ANKMY1: variants seen among roughly 807,000 people sequenced by gnomAD.
ANKMY1 encodes ankyrin repeat and MYND domain containing 1, also known as ankyrin repeat and MYND domain-containing protein 1.
ANKMY1 carries 98 observed loss-of-function variants against 102.0 expected under a neutral mutation model. The ratio of observed to expected loss-of-function variants is 0.96; its 90% CI spans 0.82 to 1.14. The LOEUF is 1.14. Among genes scored for constraint, ANKMY1 ranks in the 50% most tolerant of loss-of-function variants. The pLI, the probability that ANKMY1 is intolerant of heterozygous loss-of-function variation, is 0.00. For synonymous variants in ANKMY1, 582 were observed against 559.9 expected, an observed-to-expected ratio of 1.04 and a Z score of -0.56; for missense variants, 1,330 against 1,347.6, an observed-to-expected ratio of 0.99 and a Z score of 0.20.
chr2:240,539,915 C>CT (rs1295503820), intron 4 of ANKMY1, among the ~76,000 whole-genome samples: 1 of 152,192 alleles, frequency 6.6e-6, no homozygotes, highest in Non-Finnish European at 1.5e-5. Flanking sequence ...TACCCCCTCC[C>CT]TTTTGGAGTT....
intron 4 of ANKMY1, among the ~76,000 whole-genome samples, chr2:240,532,365 A>G (rs1419897358): frequency 2.0e-5 from 3 of 152,230 alleles, no homozygotes; most frequent in Admixed American, 1.3e-4. Context: ...TCAGACAAGC[A>G]AAAACTGACA....
rs557933431 is a variant in ANKMY1, at chr2:240,529,675, C to T, written c.481-166G>A. On this transcript the variant is annotated intron_variant, in intron 4 of 17. Coordinates refer to ENST00000401804, the MANE Select transcript of ANKMY1 (RefSeq NM_001282771.3). The surrounding 1 kb of genome is among the most constrained non-coding windows in gnomAD (Gnocchi z 4.2). ...GGCTTAGGCTGTGCCGCCCAGGGAC[C>T]GAGGCGGACCAGCTCTCCCGAGGAA... Among the ~76,000 whole-genome samples, 14 of 152,302 alleles carry T rather than the reference C, an allele frequency of 9.2e-5. No homozygotes were observed. In the East Asian group the frequency reaches 1.3e-3, roughly 15 times the overall value.
intron 11 of ANKMY1, among the ~76,000 whole-genome samples, chr2:240,511,125 C>T (rs1021372704): frequency 1.3e-5 from 2 of 152,144 alleles, no homozygotes; most frequent in African/African-American, 4.8e-5. Context: ...CCCCCACCTC[C>T]CCACCTCCCT....
chr2:240,469,843 T>A, the ANKMY1 span, among the ~76,000 whole-genome samples: 1 of 151,482 alleles, frequency 6.6e-6, no homozygotes, highest in Non-Finnish European at 1.5e-5. Context: ...TATGAACACG[T>A]ACAATGCCCT....
rs772827899 is a variant in ANKMY1, at chr2:240,512,837, C to A, written c.2110G>T (p.Ala704Ser). The A allele has an allele frequency of 1.2e-6, 2 of 1,614,028 alleles. No homozygotes were observed. The highest frequency in any genetic ancestry group is 2.2e-5 in the South Asian group (2 of 91,060). Residue 704 changes from alanine to serine, a missense_variant, in exon 10 of 18, where the codon GCA becomes TCA. Ala to Ser is a moderately conservative substitution (Grantham distance 99). Coordinates refer to ENST00000401804, the MANE Select transcript of ANKMY1 (RefSeq NM_001282771.3). ...TTGTAAGTGTCGTCCTCGTCGGATG[C>A]CTTGGCGTCCACATCGGTGATGGCA... ...LHAITDVDAK[A>S]SDEDDTYKPG...
At chr2:240,558,773 A>G (rs532786042), upstream of ANKMY1, among the ~76,000 whole-genome samples, 29 of 152,282 alleles carry the variant, frequency 1.9e-4, no homozygotes, top group Admixed American at 1.8e-3. Flanking sequence ...CTGGGCCAGG[A>G]TTCTGGGGTT....
intron 11 of ANKMY1, among the ~76,000 whole-genome samples, chr2:240,511,660 G>A (rs571882285): frequency 3.9e-5 from 6 of 152,352 alleles, no homozygotes; most frequent in African/African-American, 2.4e-5. Context: ...CCCAGGCCCC[G>A]TGCGCAGGCG....
intron 13 of ANKMY1, among the ~76,000 whole-genome samples, chr2:240,501,480 G>C (rs1432581328): frequency 6.6e-6 from 1 of 152,170 alleles, no homozygotes; most frequent in Non-Finnish European, 1.5e-5. Flanking sequence ...GGCAGGCTCA[G>C]GGCAGCCTGT....
chr2:240,509,046 A>T (rs953019746), intron 12 of ANKMY1, among the ~76,000 whole-genome samples: 1 of 149,974 alleles, frequency 6.7e-6, no homozygotes, highest in African/African-American at 2.5e-5. Context: ...GGATGGATGA[A>T]TGGATGAGTG....
intron 4 of ANKMY1, among the ~76,000 whole-genome samples, chr2:240,544,869 G>A (rs2089958219): frequency 1.3e-5 from 2 of 152,238 alleles, no homozygotes; most frequent in South Asian, 4.1e-4. Context: ...CGCCCACGGA[G>A]TCTCGCTGAT....
intron 15 of ANKMY1, among the ~76,000 whole-genome samples, 188 bp from the exon 16 acceptor site, chr2:240,482,449 G>A (rs1253631647): frequency 6.6e-6 from 1 of 152,254 alleles, no homozygotes; most frequent in Non-Finnish European, 1.5e-5. Flanking sequence ...ACCTGGAGGC[G>A]CAGGGCAGTC....
chr2:240,540,797 C>T (rs1006570161), intron 4 of ANKMY1, among the ~76,000 whole-genome samples: 1 of 152,194 alleles, frequency 6.6e-6, no homozygotes, highest in Non-Finnish European at 1.5e-5. Flanking sequence ...TTTTGGTTCC[C>T]TGACAAGGAA....
chr2:240,526,464 TC>T lies in ANKMY1; in HGVS notation c.954-20del. The T allele has an allele frequency of 6.2e-7, 1 of 1,613,842 alleles. No homozygotes were observed. The highest frequency in any genetic ancestry group is 8.5e-7 in the Non-Finnish European group (1 of 1,179,990). On this transcript the variant is annotated intron_variant, in intron 5 of 17. Transcript: ENST00000401804. ...CTTGTTCCTGGCAACACAACAAGTT[TC>T]AGTGGTCCTAGACCAGGTTCTGCAC...
chr2:240,533,317 T>C (rs943529183), intron 4 of ANKMY1, among the ~76,000 whole-genome samples: 1 of 152,050 alleles, frequency 6.6e-6, no homozygotes, highest in African/African-American at 2.4e-5. Flanking sequence ...AACTGCATAA[T>C]AAGATAGCAG....
chr2:240,527,334 A>ATGGT (rs2083781134), intron 5 of ANKMY1: 1 of 85,268 alleles, frequency 1.2e-5, no homozygotes, highest in Admixed American at 1.3e-4. Context: ...AGATGAATGG[A>ATGGT]TGGTTGGATG....
At position 240,520,567 on chromosome 2, in the gene ANKMY1, G is replaced by GGGCAGGCAA; in HGVS notation, c.1833-35_1833-34insTTGCCTGCC. The GGGCAGGCAA allele has an allele frequency of 6.3e-7, 1 of 1,591,728 alleles. No homozygotes were observed. Among genetic ancestry groups the GGGCAGGCAA allele is most frequent in the Non-Finnish European group, 8.6e-7 (1 of 1,168,822 alleles). ...GACGGTGCGCCCGTGGGCCCCTGGA[G>GGGCAGGCAA]GGCAGGCACCTGCACTGCGCCCAGA... On this transcript the variant is annotated intron_variant, in intron 8 of 17. Coordinates refer to ENST00000401804, the MANE Select transcript of ANKMY1 (RefSeq NM_001282771.3). The surrounding 1 kb of genome is among the most constrained non-coding windows in gnomAD (Gnocchi z 4.8).
intron 16 of ANKMY1, among the ~76,000 whole-genome samples, chr2:240,481,478 C>A (rs977478179): frequency 2.0e-5 from 3 of 152,178 alleles, no homozygotes; most frequent in African/African-American, 7.2e-5. Context: ...AGAAGTGACT[C>A]TTCGAGGGCA....
At chr2:240,469,767 C>CA in the ANKMY1 span, among the ~76,000 whole-genome samples, 2 of 144,858 alleles carry the variant, frequency 1.4e-5, no homozygotes, top group Non-Finnish European at 3.0e-5. Flanking sequence ...TGCACGTCCT[C>CA]ACATGCCCAC....
chr2:240,553,138 T>C (rs1194574223), intron 3 of ANKMY1, 81 bp from the exon 4 acceptor site: 1 of 1,505,526 alleles, frequency 6.6e-7, no homozygotes, highest in Non-Finnish European at 9.0e-7. Context: ...CCACCATGCC[T>C]GGTTGGCAAT....
Sources: gnomAD v4.1 joint callset for allele counts (sites outside exome capture counted in the v4.1 genomes callset) on GRCh38, gnomAD v4.1.1 for gene constraint, Gnocchi (gnomAD v3.1) non-coding constraint, MANE v1.5 for transcripts, NCBI Gene and HGNC (gene_info 2026-07-23, HGNC 2026-07-21) for gene names.